Variants in PRKN observed in about 807,000 individuals in gnomAD.
PRKN encodes parkin RBR E3 ubiquitin protein ligase.
In PRKN, 56 loss-of-function variants were observed where a neutral mutation model predicts 59.5. The observed-to-expected ratio is 0.94, with a 90% confidence interval of 0.76 to 1.18. PRKN has a LOEUF of 1.18. Ranked by LOEUF, PRKN falls within the 50% of genes most tolerant of loss-of-function variation. The pLI is 0.00. For missense variants in PRKN, 657 were observed against 596.4 expected, an observed-to-expected ratio of 1.10 and a Z score of -1.06; for synonymous variants, 250 against 222.1, an observed-to-expected ratio of 1.13 and a Z score of -1.12.
At chr6:162,305,519 C>G (rs1005455169) in intron 2 of PRKN, among the ~76,000 whole-genome samples, 1 of 152,060 alleles carries the variant, frequency 6.6e-6, no homozygotes, top group African/African-American at 2.4e-5. Context: ...ACGAGCTTCG[C>G]TCTTATTTCC....
chr6:162,117,207 T>C (rs922722185), intron 4 of PRKN, among the ~76,000 whole-genome samples: 1 of 152,214 alleles, frequency 6.6e-6, no homozygotes, highest in African/African-American at 2.4e-5. Flanking sequence ...TAATGAAGAA[T>C]GATTTTAAAT....
At chr6:161,534,477 C>T (rs1779338257) in intron 9 of PRKN, among the ~76,000 whole-genome samples, 1 of 152,224 alleles carries the variant, frequency 6.6e-6, no homozygotes. Context: ...ACAGCAGCTC[C>T]ACGTGTGGGC....
At chr6:162,098,007 C>T (rs1779812548) in intron 4 of PRKN, among the ~76,000 whole-genome samples, 1 of 152,204 alleles carries the variant, frequency 6.6e-6, no homozygotes, top group African/African-American at 2.4e-5. Flanking sequence ...CATCACATTG[C>T]ACAACACTCC....
intron 2 of PRKN, among the ~76,000 whole-genome samples, chr6:162,349,682 A>G (rs911430427): frequency 6.6e-6 from 1 of 152,208 alleles, no homozygotes; most frequent in Non-Finnish European, 1.5e-5. Context: ...CAAAACGGGA[A>G]GAGAAGTAAA....
At chr6:161,630,862 C>T (rs114265803) in intron 7 of PRKN, among the ~76,000 whole-genome samples, 4,795 of 152,296 alleles carry the variant, frequency 0.031, 127 homozygotes, top group South Asian at 0.073. Context: ...GGGAAAGAAC[C>T]ACATGACACA....
intron 5 of PRKN, among the ~76,000 whole-genome samples, chr6:162,008,566 T>C (rs1782353295): frequency 6.6e-6 from 1 of 152,168 alleles, no homozygotes; most frequent in Admixed American, 6.5e-5. Context: ...CAAAGTCTGG[T>C]GGTTAATGAA....
At chr6:162,486,269 T>C (rs1193765760) in intron 1 of PRKN, among the ~76,000 whole-genome samples, 8 of 152,184 alleles carry the variant, frequency 5.3e-5, no homozygotes, top group Non-Finnish European at 1.2e-4. Flanking sequence ...ATGATGCACA[T>C]ATCAATCTAG....
chr6:162,019,726 A>G (rs9347579), intron 5 of PRKN, among the ~76,000 whole-genome samples: 20,542 of 152,196 alleles, frequency 0.13, 1,800 homozygotes, highest in East Asian at 0.18. Context: ...AACTTTATGT[A>G]TTAAAAATCA....
At position 161,440,955 on chromosome 6, in the gene PRKN, G is replaced by A. The variant is rs1470672600; in HGVS notation, c.1084-54078C>T. ...ATGTCAGCTGAAAGACAAAGAGAAA[G>A]ATGGGATTGTTCTTGCAAAATCTCA... On this transcript the variant is annotated intron_variant, in intron 9 of 11. Coordinates refer to ENST00000366898, the MANE Select transcript of PRKN (RefSeq NM_004562.3). This position sits in a 1 kb window ranked among gnomAD's most constrained non-coding sequence, Gnocchi z 4.1. 1.3e-5 allele frequency among the ~76,000 whole-genome samples: 2 copies of A among 152,218 alleles called. No individual in the cohort carries two copies. The highest frequency in any genetic ancestry group is 2.9e-5 in the Non-Finnish European group (2 of 68,044).
chr6:162,658,900 GTTATGACAT>G (rs1012818124), intron 1 of PRKN, among the ~76,000 whole-genome samples: 1 of 151,960 alleles, frequency 6.6e-6, no homozygotes, highest in African/African-American at 2.4e-5. Context: ...ATTTTAAAAT[GTTATGACAT>G]TTAAAACAAG....
chr6:161,367,131 C>T (rs1378341660), intron 10 of PRKN, among the ~76,000 whole-genome samples: 1 of 151,548 alleles, frequency 6.6e-6, no homozygotes, highest in African/African-American at 2.4e-5. Context: ...GCTGGGACTA[C>T]AGGCGCCCGC....
chr6:162,326,759 G>T lies in PRKN; in HGVS notation c.172-63994C>A, dbSNP rs74829296. On this transcript the variant is annotated intron_variant, in intron 2 of 11. Coordinates refer to ENST00000366898, the MANE Select transcript of PRKN (RefSeq NM_004562.3). ...AACACTAATTTACTGAACTTAGGAA[G>T]AAAATAACACTAGCATAGATTTAAA... Among the ~76,000 whole-genome samples the T allele has an allele frequency of 9.5e-3, 1,440 of 152,192 alleles. 17 individuals carry two copies. Among genetic ancestry groups the T allele is most frequent in the Middle Eastern group, 0.037 (11 of 294 alleles).
chr6:162,510,910 G>A lies in PRKN; in HGVS notation c.8-67437C>T, dbSNP rs138240708. Among the ~76,000 whole-genome samples, 492 of 152,002 alleles carry A rather than the reference G, an allele frequency of 3.2e-3. 6 individuals carry two copies. Among genetic ancestry groups the A allele is most frequent in the Non-Finnish European group, 5.5e-3 (374 of 67,990 alleles). ...TGCACTCCACCCTGGGCAATAGAGCGAGACTCAGTCTCAAAAACAAACAAA... is the reference window on the plus strand; with the variant it reads ...TGCACTCCACCCTGGGCAATAGAGCAAGACTCAGTCTCAAAAACAAACAAA... On this transcript the variant is annotated intron_variant, in intron 1 of 11. Coordinates refer to ENST00000366898, the MANE Select transcript of PRKN (RefSeq NM_004562.3).
chr6:162,491,301 A>G (rs1313033495), intron 1 of PRKN, among the ~76,000 whole-genome samples: 1 of 151,530 alleles, frequency 6.6e-6, no homozygotes, highest in African/African-American at 2.4e-5. Context: ...CCAACCAAGG[A>G]TGGCACCAGG....
chr6:162,619,445 G>A (rs1057451684), intron 1 of PRKN, among the ~76,000 whole-genome samples: 1 of 151,990 alleles, frequency 6.6e-6, no homozygotes, highest in Non-Finnish European at 1.5e-5. Flanking sequence ...TTTAGCTAGT[G>A]TACAATAGCA....
At chr6:161,965,028 C>T (rs2128249507) in intron 6 of PRKN, among the ~76,000 whole-genome samples, 1 of 152,166 alleles carries the variant, frequency 6.6e-6, no homozygotes, top group South Asian at 2.1e-4. Flanking sequence ...CTAAGATCTC[C>T]ATTCCCTATC....
intron 7 of PRKN, among the ~76,000 whole-genome samples, chr6:161,717,676 T>C (rs1254840049): frequency 2.0e-5 from 3 of 152,230 alleles, no homozygotes; most frequent in Admixed American, 6.5e-5. Flanking sequence ...GTATCAATCA[T>C]AACATCTCAC....
At position 161,891,235 on chromosome 6, in the gene PRKN, C is replaced by G. The variant is rs537159334; in HGVS notation, c.734+82067G>C. Among the ~76,000 whole-genome samples, 86 of 152,242 alleles carry G rather than the reference C, an allele frequency of 5.6e-4. 2 individuals are homozygous for G. Among genetic ancestry groups the G allele is most frequent in the Non-Finnish European group, 1.5e-5 (1 of 68,010 alleles). On this transcript the variant is annotated intron_variant, in intron 6 of 11. Transcript: ENST00000366898. ...AGCGCCTCCCCTTCCCCTGGGGGCTCTGCTAGTTTTTTGGCTGATAGGATC... is the reference window on the plus strand; with the variant it reads ...AGCGCCTCCCCTTCCCCTGGGGGCTGTGCTAGTTTTTTGGCTGATAGGATC...
intron 6 of PRKN, among the ~76,000 whole-genome samples, chr6:161,972,707 T>C (rs1780866268): frequency 6.6e-6 from 1 of 152,198 alleles, no homozygotes; most frequent in Non-Finnish European, 1.5e-5. Context: ...ATAAAATGTA[T>C]GGGCTACATG....
Sources: allele counts gnomAD v4.1 joint callset (sites outside exome capture counted in the v4.1 genomes callset), GRCh38; gene constraint gnomAD v4.1.1; non-coding constraint Gnocchi (gnomAD v3.1); transcripts MANE v1.5; gene names NCBI Gene and HGNC (gene_info 2026-07-23, HGNC 2026-07-21).